The following SPMAP1 variants were observed in gnomAD, a reference collection of about 807,000 sequenced individuals.
The protein encoded by SPMAP1 is uncharacterized protein C17orf98.
chr17:38,841,342 G>A, the SPMAP1 span: 32 of 1,614,060 alleles, frequency 2.0e-5, no homozygotes, highest in Non-Finnish European at 2.5e-5. Flanking sequence ...CCCCGTCCAA[G>A]ATAAAGCCTT....
the SPMAP1 span, among the ~76,000 whole-genome samples, chr17:38,840,617 C>CAAAAAAAAAAA: frequency 2.5e-4 from 12 of 48,722 alleles, 1 homozygote; most frequent in African/African-American, 3.6e-4. Flanking sequence ...CCCCTCTCTA[C>CAAAAAAAAAAA]AAAAAAAAAA....
At chr17:38,837,600 C>A in the SPMAP1 span, among the ~76,000 whole-genome samples, 1 of 151,668 alleles carries the variant, frequency 6.6e-6, no homozygotes, top group African/African-American at 2.4e-5. Flanking sequence ...ATTGCTTGAA[C>A]CCCGGAGGCA....
the SPMAP1 span, chr17:38,837,265 GC>G: frequency 1.3e-6 from 2 of 1,503,592 alleles, no homozygotes; most frequent in South Asian, 2.2e-5. Context: ...GAGAAAGTGG[GC>G]AAGAACACTG....
the SPMAP1 span, chr17:38,841,405 C>T: frequency 9.9e-6 from 16 of 1,612,432 alleles, no homozygotes; most frequent in Admixed American, 2.3e-4. Context: ...CCACCGTAGC[C>T]TCGGAGGGCC....
chr17:38,840,344 G>C, the SPMAP1 span, among the ~76,000 whole-genome samples: 2 of 152,108 alleles, frequency 1.3e-5, no homozygotes, highest in Non-Finnish European at 2.9e-5. Context: ...GGGCGGGTCT[G>C]TGACGTCACA....
the SPMAP1 span, chr17:38,841,060 A>C: frequency 1.6e-6 from 1 of 632,640 alleles, no homozygotes; most frequent in Non-Finnish European, 2.6e-6. Flanking sequence ...AATAATAAAT[A>C]AAAATTTAAA....
chr17:38,838,019 A>G, the SPMAP1 span, among the ~76,000 whole-genome samples: 1 of 151,940 alleles, frequency 6.6e-6, no homozygotes, highest in East Asian at 1.9e-4. Context: ...TGAGTAGCTG[A>G]GATTACAGGC....
the SPMAP1 span, among the ~76,000 whole-genome samples, chr17:38,838,589 G>A: frequency 6.6e-6 from 1 of 151,806 alleles, no homozygotes; most frequent in East Asian, 1.9e-4. Flanking sequence ...AATAGGGCGA[G>A]ACTCCACCTC....
the SPMAP1 span, chr17:38,837,117 G>C: frequency 6.5e-7 from 1 of 1,527,208 alleles, no homozygotes; most frequent in African/African-American, 1.4e-5. Flanking sequence ...CCATGATGAG[G>C]CTAGAAATGG....
the SPMAP1 span, chr17:38,835,389 A>C: frequency 1.2e-6 from 2 of 1,605,950 alleles, no homozygotes; most frequent in Non-Finnish European, 1.7e-6. Flanking sequence ...CATTCAGCCC[A>C]CCTCTTGGCT....
At chr17:38,841,267 C>A in the SPMAP1 span, 3 of 1,614,170 alleles carry the variant, frequency 1.9e-6, no homozygotes, top group Non-Finnish European at 2.5e-6. Context: ...CGTTGTAGGG[C>A]GGAATCGCCG....
At chr17:38,841,223 T>C in the SPMAP1 span, 6 of 1,614,040 alleles carry the variant, frequency 3.7e-6, no homozygotes, top group Admixed American at 1.7e-5. Context: ...CACGTGACTC[T>C]GGAAGTAGCT....
chr17:38,837,109 A>G, the SPMAP1 span: 6 of 1,484,702 alleles, frequency 4.0e-6, no homozygotes, highest in Admixed American at 5.0e-5. Context: ...CCCAGGAACC[A>G]TGATGAGGCT....
At chr17:38,835,845 G>T in the SPMAP1 span, among the ~76,000 whole-genome samples, 1 of 152,162 alleles carries the variant, frequency 6.6e-6, no homozygotes, top group Non-Finnish European at 1.5e-5. Context: ...TTGTTAACCT[G>T]GGCCTGGAAA....
chr17:38,838,296 A>C, the SPMAP1 span, among the ~76,000 whole-genome samples: 1 of 152,186 alleles, frequency 6.6e-6, no homozygotes, highest in Admixed American at 6.6e-5. Context: ...TGGTTTTGAT[A>C]ATTAAATAAT....
At chr17:38,835,557 C>T in the SPMAP1 span, among the ~76,000 whole-genome samples, 5 of 152,222 alleles carry the variant, frequency 3.3e-5, no homozygotes, top group African/African-American at 7.2e-5. Flanking sequence ...AATAAAACCC[C>T]GCACCAGGAA....
the SPMAP1 span, among the ~76,000 whole-genome samples, chr17:38,838,883 G>A: frequency 1.3e-5 from 2 of 151,790 alleles, no homozygotes; most frequent in African/African-American, 4.8e-5. Context: ...TCAGGAGTTC[G>A]AGACCAGCCT....
chr17:38,837,479 C>G, the SPMAP1 span, among the ~76,000 whole-genome samples: 1 of 152,088 alleles, frequency 6.6e-6, no homozygotes. Flanking sequence ...GAGTTCGAGA[C>G]CAGCCTTGCC....
chr17:38,837,053 G>T, the SPMAP1 span: 1 of 865,460 alleles, frequency 1.2e-6, no homozygotes, highest in Non-Finnish European at 2.0e-6. Flanking sequence ...AAAGCTGGAA[G>T]GATGCAGTCC....
Sources: gnomAD v4.1 joint callset for allele counts (sites outside exome capture counted in the v4.1 genomes callset) on GRCh38, gnomAD v4.1.1 for gene constraint, MANE v1.5 for transcripts, NCBI Gene and HGNC (gene_info 2026-07-23, HGNC 2026-07-21) for gene names.